Variants in SGK2 observed in about 807,000 individuals in gnomAD.
SGK2 encodes serine/threonine-protein kinase Sgk2.
SGK2 carries 36 observed loss-of-function variants against 47.5 expected under a neutral mutation model. The ratio of observed to expected loss-of-function variants is 0.76; its 90% CI spans 0.58 to 1.00. SGK2 has a LOEUF of 1.00. Among genes scored for constraint, SGK2 ranks in the 50% least tolerant of loss-of-function variants. SGK2 has a pLI of 0.00. For synonymous variants in SGK2, 157 were observed against 181.9 expected (o/e 0.86, Z 1.10); for missense variants, 404 against 467.4 (o/e 0.86, Z 1.25).
In SGK2 at chr20:43,570,600, C is replaced by G. The variant is rs368851284; in HGVS notation, c.361-17C>G. On this transcript the variant is annotated splice_polypyrimidine_tract_variant and intron_variant, in intron 6 of 12. Coordinates refer to ENST00000373100, the MANE Select transcript of SGK2 (RefSeq NM_170693.3). ...CAGCCACCCAATAACTCCTGTCACA[C>G]TCCTCCTCCCCTCCAGCTCTTCTTC... 2.0e-5 allele frequency: 31 copies of G among 1,575,300 alleles called. No individual in the cohort carries two copies. Among genetic ancestry groups the G allele is most frequent in the Non-Finnish European group, 2.5e-5 (29 of 1,152,658 alleles).
chr20:43,570,424 CTCT>C (rs775322332), intron 6 of SGK2, among the ~76,000 whole-genome samples, 190 bp from the exon 7 acceptor site: 8 of 152,364 alleles, frequency 5.3e-5, no homozygotes, highest in African/African-American at 1.9e-4. Context: ...GCTAACTCAT[CTCT>C]TCTTCTGCTG....
intron 1 of SGK2, among the ~76,000 whole-genome samples, chr20:43,561,825 A>AG (rs144067348): frequency 6.6e-6 from 1 of 152,090 alleles, no homozygotes; most frequent in Non-Finnish European, 1.5e-5. Context: ...ATGGAGAAGC[A>AG]GGGGTCAGTG....
intron 7 of SGK2, 81 bp downstream of exon 7, chr20:43,570,810 G>C (rs1031366243): frequency 1.8e-5 from 24 of 1,311,276 alleles, no homozygotes; most frequent in Non-Finnish European, 2.5e-5. Flanking sequence ...ACTAAATCCT[G>C]ATGAAATCCT....
intron 1 of SGK2, among the ~76,000 whole-genome samples, chr20:43,559,857 G>A (rs368881611): frequency 3.3e-5 from 5 of 152,184 alleles, no homozygotes; most frequent in African/African-American, 1.2e-4. Context: ...CTGTAAGCAG[G>A]TCCATGTAAC....
At chr20:43,563,398 T>C (rs1979506224) in intron 1 of SGK2, among the ~76,000 whole-genome samples, 1 of 152,114 alleles carries the variant, frequency 6.6e-6, no homozygotes, top group Admixed American at 6.5e-5. Flanking sequence ...CACACCAAAT[T>C]CTTCAGAGAA....
rs532255828 is a variant in SGK2, at chr20:43,577,675, G to A, written c.849+1296G>A. Among the ~76,000 whole-genome samples the A allele has an allele frequency of 8.1e-4, 108 of 133,700 alleles. 1 individual carries two copies. The highest frequency in any genetic ancestry group is 5.1e-3 in the Admixed American group (66 of 12,956). 87.7% of individuals were successfully genotyped at this position (133,700 alleles called of 152,430 possible). A position where few individuals can be genotyped will look rare whatever the true frequency, so the allele number is the denominator to read the frequency against. On this transcript the variant is annotated intron_variant, in intron 11 of 12. Transcript: ENST00000373100. ...TTTTTTTTTTTTGAGACTGAGTCTC[G>A]CTCTGTCACCCAGGCTGGAGTGCAG...
Position 43,569,324 on chromosome 20 carries a change from G to A in SGK2, c.229-61G>A, listed in dbSNP as rs1037415331. 5.6e-6 allele frequency: 9 copies of A among 1,597,050 alleles called. No individual in the cohort carries two copies. In the African/African-American group the frequency reaches 8.0e-5, roughly 14 times the overall value. On this transcript the variant is annotated intron_variant, in intron 5 of 12. Coordinates refer to ENST00000373100, the MANE Select transcript of SGK2 (RefSeq NM_170693.3). Reference sequence around the variant, plus strand: ...CCACCCACAAGCTTATATGGGCTGAGCCGGGATAAAAGAGGCTGTTGTGGG... The same window carrying A: ...CCACCCACAAGCTTATATGGGCTGAACCGGGATAAAAGAGGCTGTTGTGGG...
At chr20:43,584,590 C>G (rs183228738) in intron 12 of SGK2, among the ~76,000 whole-genome samples, 1 of 152,182 alleles carries the variant, frequency 6.6e-6, no homozygotes, top group Non-Finnish European at 1.5e-5. Flanking sequence ...GTGTTCCCAG[C>G]GCCACGAACA....
intron 7 of SGK2, 137 bp downstream of exon 7, chr20:43,570,866 C>T: frequency 7.6e-7 from 1 of 1,314,052 alleles, no homozygotes; most frequent in Non-Finnish European, 1.1e-6. Flanking sequence ...GTCTCCTCCT[C>T]CGAGGTCCAA....
intron 5 of SGK2, among the ~76,000 whole-genome samples, chr20:43,568,726 C>T (rs375406582): frequency 1.7e-4 from 26 of 152,322 alleles, no homozygotes; most frequent in African/African-American, 5.8e-4. Context: ...TGGCCTCAGC[C>T]TCCCAAAGTG....
intron 1 of SGK2, among the ~76,000 whole-genome samples, chr20:43,563,551 T>G (rs1979514806): frequency 6.6e-6 from 1 of 151,390 alleles, no homozygotes; most frequent in South Asian, 2.1e-4. Flanking sequence ...AGACAAGGAG[T>G]CCAGACAACT....
At chr20:43,564,761 GAC>G (rs908309454) in intron 1 of SGK2, 6 of 152,560 alleles carry the variant, frequency 3.9e-5, no homozygotes, top group African/African-American at 1.4e-4. Context: ...GAGATACAGT[GAC>G]ACACACAGTC....
Position 43,571,060 on chromosome 20 carries a change from G to T in SGK2, c.510G>T (p.Gln170His), listed in dbSNP as rs1454211118. The change falls in exon 8 of 13, where the codon CAG becomes CAT. Residue 170 changes from glutamine (Q) to histidine (H), a missense_variant and splice_region_variant. Physicochemically the swap from Gln to His is conservative, Grantham distance 24. Transcript: ENST00000373100. The part of the protein sequence containing the change: ...LKPENILLDC[Q>H]GHVVLTDFGL... The stretch of plus-strand genomic sequence containing the variant: ...CAGAGAACATTCTCTTGGACTGCCA[G>T]GTTGGTGTGTGTGTGTGTGTGTGTG... The T allele has an allele frequency of 1.3e-6, 2 of 1,563,724 alleles. No homozygotes were observed.
intron 1 of SGK2, among the ~76,000 whole-genome samples, chr20:43,559,509 A>T (rs1384256363): frequency 6.6e-6 from 1 of 152,156 alleles, no homozygotes; most frequent in Admixed American, 6.5e-5. Flanking sequence ...GTCATTTATT[A>T]ACTGTCTTGA....
intron 11 of SGK2, among the ~76,000 whole-genome samples, chr20:43,578,821 G>GA (rs1980618898): frequency 6.6e-6 from 1 of 152,082 alleles, no homozygotes; most frequent in Non-Finnish European, 1.5e-5. Context: ...CTTCCGTGAA[G>GA]ATGTCTCCTG....
At chr20:43,567,032 T>G in intron 2 of SGK2, 36 bp from the exon 3 acceptor site, 2 of 1,583,572 alleles carry the variant, frequency 1.3e-6, no homozygotes, top group Non-Finnish European at 1.7e-6. Flanking sequence ...AGCCAAGGAG[T>G]AGGGATCTGC....
intron 1 of SGK2, among the ~76,000 whole-genome samples, chr20:43,561,886 G>A (rs563806296): frequency 1.2e-4 from 18 of 152,182 alleles, no homozygotes; most frequent in Admixed American, 5.2e-4. Context: ...CTCAGGCAGG[G>A]CGGTTGCAGC....
At chr20:43,570,857 T>A in intron 7 of SGK2, 128 bp downstream of exon 7, 1 of 1,277,414 alleles carries the variant, frequency 7.8e-7, no homozygotes, top group South Asian at 1.3e-5. Flanking sequence ...GGGGTTGGAG[T>A]CTCCTCCTCC....
intron 5 of SGK2, among the ~76,000 whole-genome samples, chr20:43,568,784 C>A (rs1337897897): frequency 6.6e-6 from 1 of 152,216 alleles, no homozygotes; most frequent in East Asian, 1.9e-4. Context: ...TCATGGATTT[C>A]TTGATGCCTC....
Sources: allele counts gnomAD v4.1 joint callset (sites outside exome capture counted in the v4.1 genomes callset), GRCh38; gene constraint gnomAD v4.1.1; transcripts MANE v1.5; gene names NCBI Gene and HGNC (gene_info 2026-07-23, HGNC 2026-07-21).